FAM13A: variants seen among roughly 807,000 people sequenced by gnomAD.
The protein encoded by FAM13A is family with sequence similarity 13 member A.
In FAM13A, 76 loss-of-function variants were observed where a neutral mutation model predicts 129.6. That is an observed-to-expected ratio of 0.59 (90% CI 0.49 to 0.71). FAM13A has a LOEUF of 0.71. Ranked by LOEUF, FAM13A falls within the 30% of genes least tolerant of loss-of-function variation. FAM13A has a pLI of 0.00. For synonymous variants in FAM13A, 443 were observed against 449.9 expected (o/e 0.98, Z 0.20); for missense variants, 1,108 against 1,249.3 (o/e 0.89, Z 1.70).
Position 88,922,208 on chromosome 4 carries a change from A to C in FAM13A, c.760-15746T>G, listed in dbSNP as rs552926218. Among the ~76,000 whole-genome samples, 279 of 152,180 alleles carry C rather than the reference A, an allele frequency of 1.8e-3. 2 individuals carry two copies. Among genetic ancestry groups the C allele is most frequent in the African/African-American group, 6.2e-3 (256 of 41,454 alleles). ...GCTCTGCACCAAGCGGACCTAATAG[A>C]CATCTACAGAACTCTCCACCCCACA... On this transcript the variant is annotated intron_variant, in intron 5 of 23. Coordinates refer to ENST00000264344, the MANE Select transcript of FAM13A (RefSeq NM_014883.4).
chr4:88,732,099 C>G lies in FAM13A; in HGVS notation c.2746G>C (p.Glu916Gln). The change falls in exon 22 of 24, where the codon GAA (glutamate) becomes CAA (glutamine). Residue 916 changes from glutamate to glutamine, a missense_variant. Glu to Gln is a conservative substitution (Grantham distance 29). Transcript: ENST00000264344. The stretch of plus-strand genomic sequence containing the variant: ...GAAATAAATCCATCAGCGTCATCTT[C>G]GAATTGGTCCAGAAAGCATCGTGCA... ...FSARCFLDQFEDDADGFISPM... is the reference protein window; with the variant it reads ...FSARCFLDQFQDDADGFISPM... 6.2e-7 allele frequency: 1 copy of G among 1,613,972 alleles called. No homozygotes were observed. Among genetic ancestry groups the G allele is most frequent in the South Asian group, 1.1e-5 (1 of 91,056 alleles).
chr4:88,834,104 G>T (rs1438218497), intron 7 of FAM13A, among the ~76,000 whole-genome samples: 1 of 127,060 alleles, frequency 7.9e-6, no homozygotes, highest in African/African-American at 3.0e-5. Flanking sequence ...TAGAGATAAG[G>T]TCTCACTATG....
At chr4:88,818,010 G>C (rs1731116445) in intron 7 of FAM13A, among the ~76,000 whole-genome samples, 1 of 152,150 alleles carries the variant, frequency 6.6e-6, no homozygotes, top group Non-Finnish European at 1.5e-5. Context: ...TTGAGACAGA[G>C]TCTTCCACTG....
intron 5 of FAM13A, among the ~76,000 whole-genome samples, chr4:88,926,199 A>G (rs192923184): frequency 6.6e-6 from 1 of 152,074 alleles, no homozygotes; most frequent in Non-Finnish European, 1.5e-5. Context: ...TTACACCCCC[A>G]CAGTTTTCAG....
At chr4:88,822,808 G>A (rs1335401451) in intron 7 of FAM13A, among the ~76,000 whole-genome samples, 1 of 152,234 alleles carries the variant, frequency 6.6e-6, no homozygotes, top group East Asian at 1.9e-4. Flanking sequence ...CAGTAAAAGA[G>A]CAGTATAATA....
At chr4:88,740,562 G>GGAGA (rs1740025410) in intron 19 of FAM13A, among the ~76,000 whole-genome samples, 1 of 152,218 alleles carries the variant, frequency 6.6e-6, no homozygotes, top group African/African-American at 2.4e-5. Context: ...TTTGTCTCCT[G>GGAGA]CATTCTCTTA....
At chr4:88,817,823 A>G (rs1048475175) in intron 7 of FAM13A, among the ~76,000 whole-genome samples, 3 of 152,330 alleles carry the variant, frequency 2.0e-5, no homozygotes, top group Middle Eastern at 3.4e-3. Context: ...GCAATGATAT[A>G]GCACTACCTG....
intron 6 of FAM13A, among the ~76,000 whole-genome samples, chr4:88,869,597 C>T (rs1741015143): frequency 6.6e-6 from 1 of 152,218 alleles, no homozygotes; most frequent in Non-Finnish European, 1.5e-5. Context: ...GTTATATACT[C>T]TCAGGGCACT....
At chr4:89,016,232 G>A (rs1766471384) in intron 3 of FAM13A, among the ~76,000 whole-genome samples, 1 of 149,592 alleles carries the variant, frequency 6.7e-6, no homozygotes, top group African/African-American at 2.5e-5. Flanking sequence ...AAAGAAAAAA[G>A]AAAATTTTAA....
At chr4:88,814,580 T>C (rs1730327622) in intron 7 of FAM13A, among the ~76,000 whole-genome samples, 2 of 152,178 alleles carry the variant, frequency 1.3e-5, no homozygotes, top group South Asian at 2.1e-4. Context: ...AAGTCACTTA[T>C]AAAAATAAAA....
intron 8 of FAM13A, among the ~76,000 whole-genome samples, chr4:88,802,784 GAC>G (rs1727752323): frequency 6.6e-6 from 1 of 152,072 alleles, no homozygotes; most frequent in Non-Finnish European, 1.5e-5. Context: ...CTCTATCCCA[GAC>G]ACAGACTCTG....
intron 1 of FAM13A, among the ~76,000 whole-genome samples, chr4:89,035,815 T>C (rs900479206): frequency 4.6e-5 from 7 of 152,190 alleles, no homozygotes; most frequent in Admixed American, 4.6e-4. Flanking sequence ...TCACCATAAG[T>C]GTAAGTTTCC....
At chr4:88,861,295 C>T (rs550333991) in intron 6 of FAM13A, among the ~76,000 whole-genome samples, 1 of 150,106 alleles carries the variant, frequency 6.7e-6, no homozygotes, top group African/African-American at 2.5e-5. Flanking sequence ...GCAGGAAAAT[C>T]GCTTGAATCC....
intron 11 of FAM13A, among the ~76,000 whole-genome samples, chr4:88,777,522 C>T (rs140435626): frequency 1.3e-5 from 2 of 152,230 alleles, no homozygotes; most frequent in African/African-American, 4.8e-5. Flanking sequence ...CAGTCTGATG[C>T]CCAGACTGGT....
At chr4:88,917,422 C>A (rs778312670) in intron 5 of FAM13A, among the ~76,000 whole-genome samples, 1 of 152,136 alleles carries the variant, frequency 6.6e-6, no homozygotes. Flanking sequence ...CCACCTCCAA[C>A]GCTGAGGACC....
At chr4:88,957,299 A>T (rs1579490253) in intron 4 of FAM13A, among the ~76,000 whole-genome samples, 1 of 152,130 alleles carries the variant, frequency 6.6e-6, no homozygotes, top group Non-Finnish European at 1.5e-5. Flanking sequence ...ACTGCACTCC[A>T]GCCTGCATGA....
At chr4:88,748,169 GGCGTGA>G (rs1470527162) in intron 17 of FAM13A, among the ~76,000 whole-genome samples, 4 of 152,224 alleles carry the variant, frequency 2.6e-5, no homozygotes, top group Admixed American at 1.3e-4. Context: ...TGGGATTACA[GGCGTGA>G]GCCACTGCGC....
At position 88,799,584 on chromosome 4, in the gene FAM13A, A is replaced by C. The variant is rs1726999379; in HGVS notation, c.1049+5427T>G. On this transcript the variant is annotated intron_variant, in intron 8 of 23. Coordinates refer to ENST00000264344, the MANE Select transcript of FAM13A (RefSeq NM_014883.4). ...ACTGCAACCTCCACCTTCCGGGTTC[A>C]GGGGATTCCCCTGTCTCAGCCTCCT... 6.6e-5 allele frequency among the ~76,000 whole-genome samples: 10 copies of C among 151,952 alleles called. No individual in the cohort carries two copies. In the South Asian group the frequency reaches 2.1e-3, roughly 31 times the overall value.
chr4:88,885,053 T>A (rs2150139339), intron 6 of FAM13A, among the ~76,000 whole-genome samples: 1 of 152,218 alleles, frequency 6.6e-6, no homozygotes, highest in East Asian at 1.9e-4. Context: ...GTAGAATCAA[T>A]ATTGTGAAAA....
Sources: gnomAD v4.1 joint callset for allele counts (sites outside exome capture counted in the v4.1 genomes callset) on GRCh38, gnomAD v4.1.1 for gene constraint, MANE v1.5 for transcripts, NCBI Gene and HGNC (gene_info 2026-07-23, HGNC 2026-07-21) for gene names.